The following PWWP2A variants were observed in gnomAD, a reference collection of about 807,000 sequenced individuals.
PWWP2A encodes PWWP domain-containing protein 2A.
PWWP2A carries 18 observed loss-of-function variants against 48.5 expected under a neutral mutation model. That is an observed-to-expected ratio of 0.37 (90% CI 0.26 to 0.55). The LOEUF is 0.55. Ranked by LOEUF, PWWP2A falls within the 20% of genes least tolerant of loss-of-function variation. The pLI, the probability that PWWP2A is intolerant of heterozygous loss-of-function variation, is 0.81. For missense variants in PWWP2A, 867 were observed against 976.4 expected (o/e 0.89, Z 1.49); for synonymous variants, 396 against 387.7 (o/e 1.02, Z -0.25).
Position 160,093,157 on chromosome 5 carries a change from C to T in PWWP2A, c.1493G>A (p.Arg498Gln), listed in dbSNP as rs746742999. 3.3e-5 allele frequency: 54 copies of T among 1,613,798 alleles called. No homozygotes were observed. Among genetic ancestry groups the T allele is most frequent in the Admixed American group, 8.3e-5 (5 of 59,996 alleles). ...SSLKTGLEKM[R>Q]SGKMAPKPQS... is the part of the protein sequence containing the mutation. Reference sequence around the variant, plus strand: ...GGGCTTGGGTGCCATCTTGCCACTCCGCATTTTCTCAAGTCCTGTCTTCAG... The same window carrying T: ...GGGCTTGGGTGCCATCTTGCCACTCTGCATTTTCTCAAGTCCTGTCTTCAG... The change falls in exon 2 of 2, where the codon CGG (arginine) becomes CAG (glutamine). Residue 498 changes from arginine to glutamine, a missense_variant. Coordinates refer to ENST00000307063, the MANE Select transcript of PWWP2A (RefSeq NM_001130864.2). The surrounding 1 kb of genome is among the most constrained non-coding windows in gnomAD (Gnocchi z 5.8).
At chr5:160,072,264 T>C (rs575861159), downstream of PWWP2A, among the ~76,000 whole-genome samples, 2 of 152,196 alleles carry the variant, frequency 1.3e-5, no homozygotes, top group South Asian at 4.1e-4. Context: ...AAAAATTGAT[T>C]ACTGTGCTTG....
intron 1 of PWWP2A, among the ~76,000 whole-genome samples, chr5:160,111,329 G>A (rs968198016): frequency 3.9e-5 from 6 of 152,004 alleles, no homozygotes; most frequent in South Asian, 2.1e-4. Context: ...CACTACGCCC[G>A]GCTAATTTTT....
At chr5:160,047,265 C>A in the PWWP2A span, among the ~76,000 whole-genome samples, 19 of 152,220 alleles carry the variant, frequency 1.2e-4, no homozygotes, top group East Asian at 3.7e-3. Flanking sequence ...CACACACACA[C>A]AAAACTTGCA....
chr5:160,084,683 G>A (rs539175107), intron 2 of PWWP2A, among the ~76,000 whole-genome samples: 37 of 152,028 alleles, frequency 2.4e-4, no homozygotes, highest in African/African-American at 8.7e-4. Context: ...CTCCTGCCTC[G>A]GTCTCCCAAA....
At chr5:160,047,960 C>T in the PWWP2A span, among the ~76,000 whole-genome samples, 1 of 152,030 alleles carries the variant, frequency 6.6e-6, no homozygotes, top group Admixed American at 6.6e-5. Context: ...TAGCATAAGG[C>T]TTCATGAGAA....
rs1201428520 is a variant in PWWP2A at position 160,068,844 on chromosome 5, A to C, written c.*80-1973T>G. On this transcript the variant is annotated intron_variant and NMD_transcript_variant, in intron 2 of 5. Transcript: ENST00000524050. ...AACCATCAGTATTCAAAAGTCTTCTAATTCTGTGCCATTTAATGCCTGTTT... is the reference window on the plus strand; with the variant it reads ...AACCATCAGTATTCAAAAGTCTTCTCATTCTGTGCCATTTAATGCCTGTTT... 2.0e-5 allele frequency among the ~76,000 whole-genome samples: 3 copies of C among 152,184 alleles called. No individual in the cohort carries two copies. In the East Asian group the frequency reaches 5.8e-4, roughly 29 times the overall value.
chr5:160,058,807 C>G (rs1214267581), downstream of PWWP2A, among the ~76,000 whole-genome samples: 2 of 152,180 alleles, frequency 1.3e-5, no homozygotes, highest in African/African-American at 4.8e-5. Flanking sequence ...GGTTTGAAAA[C>G]AACTTTAATC....
chr5:160,086,680 G>A (rs909263073), downstream of PWWP2A, among the ~76,000 whole-genome samples: 3 of 152,128 alleles, frequency 2.0e-5, no homozygotes, highest in Non-Finnish European at 2.9e-5. Context: ...ATCACCTGAG[G>A]TCAGAAGTTG....
downstream of PWWP2A, chr5:160,091,067 A>G (rs1424072454): frequency 2.0e-6 from 2 of 984,962 alleles, no homozygotes; most frequent in South Asian, 4.7e-5. Context: ...AAGACTAAAA[A>G]TTAAAATTCA....
chr5:160,111,892 C>T (rs567096474), intron 1 of PWWP2A, among the ~76,000 whole-genome samples: 6 of 152,004 alleles, frequency 3.9e-5, no homozygotes, highest in African/African-American at 1.2e-4. Flanking sequence ...CTGTGGCTTA[C>T]ACCTGTAATC....
intron 2 of PWWP2A, among the ~76,000 whole-genome samples, chr5:160,067,878 A>C (rs1753651888): frequency 6.6e-6 from 1 of 152,226 alleles, no homozygotes; most frequent in Non-Finnish European, 1.5e-5. Flanking sequence ...TTGCTGCTAG[A>C]ATGTGTGATT....
chr5:160,087,439 T>C (rs1754728805), downstream of PWWP2A, among the ~76,000 whole-genome samples: 1 of 151,370 alleles, frequency 6.6e-6, no homozygotes, highest in African/African-American at 2.4e-5. Flanking sequence ...GCTACAGTTA[T>C]TTCCTTGTAT....
At chr5:160,118,737 G>A (rs1758401739) in intron 1 of PWWP2A, 68 bp downstream of exon 1, 24 of 1,334,980 alleles carry the variant, frequency 1.8e-5, no homozygotes, top group Non-Finnish European at 2.1e-5. Context: ...GGGGAGAGGG[G>A]GCCGCCCGGG....
chr5:160,086,940 A>C (rs1754689079), downstream of PWWP2A, among the ~76,000 whole-genome samples: 1 of 152,214 alleles, frequency 6.6e-6, no homozygotes, highest in African/African-American at 2.4e-5. Flanking sequence ...TTTTTATGTC[A>C]GTACAGTTAA....
chr5:160,092,419 G>C lies in PWWP2A; in HGVS notation c.2231C>G (p.Pro744Arg), dbSNP rs1461375321. ...CTGTGTCAACAAAGCCCGCACTTCG[G>C]GGGTCAGCTGCTTGGCAGCCTTAGC... The part of the protein sequence containing the change: ...EAAKAAKQLT[P>R]EVRALLTQFE... The change falls in exon 2 of 2, where the codon CCC (proline) becomes CGC (arginine). Residue 744 changes from proline to arginine, a missense_variant. Coordinates refer to ENST00000307063, the MANE Select transcript of PWWP2A (RefSeq NM_001130864.2). The C allele has an allele frequency of 6.5e-7, 1 of 1,549,542 alleles. No individual in the cohort carries two copies. The highest frequency in any genetic ancestry group is 8.7e-7 in the Non-Finnish European group (1 of 1,146,406).
chr5:160,079,816 A>G (rs774392908), intron 3 of PWWP2A, among the ~76,000 whole-genome samples: 2 of 152,220 alleles, frequency 1.3e-5, no homozygotes, highest in Non-Finnish European at 2.9e-5. Context: ...TACCACTCCT[A>G]CGCAGATAAG....
Position 160,077,107 on chromosome 5 carries a change from G to A in PWWP2A, c.*1048C>T, listed in dbSNP as rs181422623. 1 of 152,172 alleles carries A rather than the reference G, an allele frequency of 6.6e-6. No homozygotes were observed. Among genetic ancestry groups the A allele is most frequent in the East Asian group, 1.9e-4 (1 of 5,176 alleles). The allele number at this position is 152,172 out of a possible 1,614,324, so 9.4% of individuals were successfully genotyped here. A position where few individuals can be genotyped will look rare whatever the true frequency, so the allele number is the denominator to read the frequency against. ...AAGAAAAAAACTACAGTCTCTATTA[G>A]TAAGAATTCATGCTCCATGCATGAG... On this transcript the variant is annotated 3_prime_UTR_variant, in exon 4 of 4. Coordinates refer to the PWWP2A transcript ENST00000456329. The surrounding 1 kb of genome is among the most constrained non-coding windows in gnomAD (Gnocchi z 4.2).
At chr5:160,090,820 T>G, downstream of PWWP2A, 1 of 983,188 alleles carries the variant, frequency 1.0e-6, no homozygotes, top group South Asian at 4.7e-5. Context: ...TGAAAGCAAC[T>G]TTAAAAATCT....
chr5:160,108,389 G>C (rs554102934), intron 1 of PWWP2A, among the ~76,000 whole-genome samples: 1 of 152,182 alleles, frequency 6.6e-6, no homozygotes, highest in Non-Finnish European at 1.5e-5. Context: ...GTTTCACTGT[G>C]TAAAGCCTTT....
Sources: allele counts gnomAD v4.1 joint callset (sites outside exome capture counted in the v4.1 genomes callset), GRCh38; gene constraint gnomAD v4.1.1; non-coding constraint Gnocchi (gnomAD v3.1); transcripts MANE v1.5; gene names NCBI Gene and HGNC (gene_info 2026-07-23, HGNC 2026-07-21).